TDRD7: variants seen among roughly 807,000 people sequenced by gnomAD.
The protein encoded by TDRD7 is tudor domain containing 7.
A neutral mutation model predicts 109.8 loss-of-function variants in TDRD7; 47 were observed. The ratio of observed to expected loss-of-function variants is 0.43; its 90% CI spans 0.34 to 0.55. TDRD7 has a LOEUF of 0.55. Ranked by LOEUF, TDRD7 falls within the 20% of genes least tolerant of loss-of-function variation. TDRD7 has a pLI of 0.03. For missense variants in TDRD7, 1,164 were observed against 1,319.2 expected, an observed-to-expected ratio of 0.88 and a Z score of 1.82; for synonymous variants, 424 against 457.3, an observed-to-expected ratio of 0.93 and a Z score of 0.93.
intron 14 of TDRD7, among the ~76,000 whole-genome samples, chr9:97,482,380 C>G (rs1829130438): frequency 6.6e-6 from 1 of 152,114 alleles, no homozygotes; most frequent in Non-Finnish European, 1.5e-5. Context: ...TCCTTCCCTT[C>G]CCAGTCTTGA....
At chr9:97,439,424 T>C in intron 5 of TDRD7, 106 bp downstream of exon 5, 1 of 925,958 alleles carries the variant, frequency 1.1e-6, no homozygotes, top group South Asian at 1.3e-5. Context: ...GTTTGGAATA[T>C]ATCCTTCCTC....
At chr9:97,494,602 C>T (rs1050126960) in intron 16 of TDRD7, among the ~76,000 whole-genome samples, 2 of 151,444 alleles carry the variant, frequency 1.3e-5, no homozygotes, top group Non-Finnish European at 2.9e-5. Flanking sequence ...CTGAAATTTC[C>T]ATATCTTAAT....
chr9:97,470,734 A>G (rs1257690631), intron 9 of TDRD7, 65 bp downstream of exon 9: 2 of 1,236,958 alleles, frequency 1.6e-6, no homozygotes, highest in Non-Finnish European at 2.4e-6. Context: ...ACATTTGGAT[A>G]GTTGAATCCT....
rs556656776 is a variant in TDRD7, at chr9:97,472,791, C to T, written c.1944+296C>T. ...AACACAAAAGAAGGGAAAATTGGGT[C>T]CATGAAGATGTTGATTATTAGCTTT... On this transcript the variant is annotated intron_variant, in intron 10 of 16. Transcript: ENST00000355295. Among the ~76,000 whole-genome samples the T allele has an allele frequency of 3.3e-5, 5 of 151,548 alleles. 1 individual carries two copies. The East Asian group carries it at 9.7e-4, about 29-fold the overall frequency.
chr9:97,418,467 C>G (rs1226123927), intron 1 of TDRD7, among the ~76,000 whole-genome samples: 1 of 152,018 alleles, frequency 6.6e-6, no homozygotes, highest in African/African-American at 2.4e-5. Context: ...AGCTTCGTAC[C>G]TCACTCTGCT....
At chr9:97,435,335 C>A (rs1288300969) in intron 4 of TDRD7, among the ~76,000 whole-genome samples, 1 of 151,852 alleles carries the variant, frequency 6.6e-6, no homozygotes, top group Non-Finnish European at 1.5e-5. Flanking sequence ...AAAAAGTTTT[C>A]AAATTGACAG....
intron 4 of TDRD7, among the ~76,000 whole-genome samples, chr9:97,438,476 C>A (rs375934973): frequency 4.6e-5 from 7 of 152,096 alleles, no homozygotes; most frequent in South Asian, 4.1e-4. Context: ...GTCATTCTTA[C>A]AATATTCATT....
chr9:97,484,110 CTTTATG>C (rs975096741), intron 15 of TDRD7, among the ~76,000 whole-genome samples: 3 of 152,186 alleles, frequency 2.0e-5, no homozygotes, highest in African/African-American at 7.2e-5. Flanking sequence ...AAGACTCTTG[CTTTATG>C]TTGTCAGCTG....
In TDRD7 at chr9:97,412,936, C is replaced by T. The variant is rs761626622; in HGVS notation, c.-7+698C>T. Among the ~76,000 whole-genome samples, 3 of 152,170 alleles carry T rather than the reference C, an allele frequency of 2.0e-5. No individual in the cohort carries two copies. The highest frequency in any genetic ancestry group is 4.4e-5 in the Non-Finnish European group (3 of 68,028). On this transcript the variant is annotated intron_variant, in intron 1 of 16. Coordinates refer to ENST00000355295, the MANE Select transcript of TDRD7 (RefSeq NM_014290.3). The surrounding 1 kb of genome is among the most constrained non-coding windows in gnomAD (Gnocchi z 4.3). ...AGGAGGGAGCTTGGAGCCGGCATAT[C>T]TTTCTGCTCCCATTCACTTGAGAGG...
At chr9:97,492,440 C>T (rs1208307517) in intron 16 of TDRD7, among the ~76,000 whole-genome samples, 1 of 152,210 alleles carries the variant, frequency 6.6e-6, no homozygotes, top group East Asian at 1.9e-4. Context: ...CTGTATACTT[C>T]CTTCTCCATG....
chr9:97,480,791 A>G (rs1158175905), intron 13 of TDRD7, 37 bp from the exon 14 acceptor site: 1 of 1,512,934 alleles, frequency 6.6e-7, no homozygotes, highest in African/African-American at 1.4e-5. Context: ...GTATTTTAAC[A>G]TGGTGTGTTC....
At chr9:97,414,968 C>T (rs949459933) in intron 1 of TDRD7, among the ~76,000 whole-genome samples, 2 of 152,136 alleles carry the variant, frequency 1.3e-5, no homozygotes, top group African/African-American at 4.8e-5. Flanking sequence ...AATGTGTCAG[C>T]ACAGACATTA....
chr9:97,447,937 T>A (rs1389174081), intron 6 of TDRD7, among the ~76,000 whole-genome samples: 2 of 152,240 alleles, frequency 1.3e-5, no homozygotes, highest in Non-Finnish European at 2.9e-5. Flanking sequence ...TTGCAATGTG[T>A]GTCTAAAGAG....
chr9:97,491,470 G>A (rs1829307672), intron 16 of TDRD7, among the ~76,000 whole-genome samples: 1 of 152,192 alleles, frequency 6.6e-6, no homozygotes, highest in South Asian at 2.1e-4. Context: ...TTTGTTGAAA[G>A]GTGGACATGA....
chr9:97,414,663 C>T (rs986903997), intron 1 of TDRD7, among the ~76,000 whole-genome samples: 1 of 151,776 alleles, frequency 6.6e-6, no homozygotes, highest in South Asian at 2.1e-4. Flanking sequence ...TTAAAATGCA[C>T]GAATAATTTG....
Position 97,412,914 on chromosome 9 carries a change from A to T in TDRD7, c.-7+676A>T, listed in dbSNP as rs371375993. On this transcript the variant is annotated intron_variant, in intron 1 of 16. Coordinates refer to ENST00000355295, the MANE Select transcript of TDRD7 (RefSeq NM_014290.3). The surrounding 1 kb of genome is among the most constrained non-coding windows in gnomAD (Gnocchi z 4.3). The stretch of plus-strand genomic sequence containing the variant: ...AGACTCTCAGCTTCAGCTTGCTAGG[A>T]GGGAGCTTGGAGCCGGCATATCTTT... 6.6e-6 allele frequency among the ~76,000 whole-genome samples: 1 copy of T among 152,158 alleles called. No homozygotes were observed. Among genetic ancestry groups the T allele is most frequent in the East Asian group, 1.9e-4 (1 of 5,194 alleles).
intron 12 of TDRD7, among the ~76,000 whole-genome samples, chr9:97,475,685 G>A (rs545376949): frequency 3.4e-4 from 52 of 151,746 alleles, no homozygotes; most frequent in Non-Finnish European, 6.3e-4. Flanking sequence ...TTTCATTTGT[G>A]TTTTTCTCAT....
In TDRD7 at chr9:97,462,166, A is replaced by G. The variant is rs113598294; in HGVS notation, c.1442+1402A>G. Among the ~76,000 whole-genome samples, 9 of 152,360 alleles carry G rather than the reference A, an allele frequency of 5.9e-5. 1 individual carries two copies. The highest frequency in any genetic ancestry group is 2.2e-4 in the African/African-American group (9 of 41,576). Reference sequence around the variant, plus strand: ...CCACCTTTTACCATTTGACTATACTATAAAGAAACTTACACGGCAGGATCC... The same window carrying G: ...CCACCTTTTACCATTTGACTATACTGTAAAGAAACTTACACGGCAGGATCC... On this transcript the variant is annotated intron_variant, in intron 7 of 16. Coordinates refer to ENST00000355295, the MANE Select transcript of TDRD7 (RefSeq NM_014290.3).
intron 16 of TDRD7, among the ~76,000 whole-genome samples, chr9:97,487,974 A>G (rs995785976): frequency 1.3e-5 from 2 of 152,208 alleles, no homozygotes; most frequent in African/African-American, 4.8e-5. Context: ...AGCACAACTA[A>G]CAGCATACAA....
Sources: gnomAD v4.1 joint callset for allele counts (sites outside exome capture counted in the v4.1 genomes callset) on GRCh38, gnomAD v4.1.1 for gene constraint, Gnocchi (gnomAD v3.1) non-coding constraint, MANE v1.5 for transcripts, NCBI Gene and HGNC (gene_info 2026-07-23, HGNC 2026-07-21) for gene names.